STAG1: variants seen among roughly 807,000 people sequenced by gnomAD.
The protein encoded by STAG1 is STAG1 cohesin complex component.
STAG1 carries 26 observed loss-of-function variants against 170.9 expected under a neutral mutation model. The observed-to-expected ratio is 0.15, with a 90% confidence interval of 0.11 to 0.21. The LOEUF (loss-of-function observed/expected upper bound fraction) is 0.21, where lower values mean the gene tolerates loss of function less well. Ranked by LOEUF, STAG1 falls within the 10% of genes least tolerant of loss-of-function variation. The probability of loss-of-function intolerance (pLI) is 1.00; values close to 1 mark genes in which losing one functional copy is unlikely to be tolerated. For synonymous variants in STAG1, 514 were observed against 497.7 expected (o/e 1.03, Z -0.44); for missense variants, 964 against 1,509.5 (o/e 0.64, Z 5.99).
chr3:136,751,051 T>C (rs1320766691), intron 1 of STAG1, among the ~76,000 whole-genome samples: 1 of 152,248 alleles, frequency 6.6e-6, no homozygotes, highest in African/African-American at 2.4e-5. Flanking sequence ...TTCAGATACT[T>C]TCTCAAGTAA....
intron 1 of STAG1, among the ~76,000 whole-genome samples, chr3:136,741,201 C>T (rs1321200453): frequency 6.6e-6 from 1 of 152,216 alleles, no homozygotes. Flanking sequence ...GTGCAGGTTT[C>T]ACCTGGACCT....
intron 1 of STAG1, among the ~76,000 whole-genome samples, chr3:136,659,258 TCTCA>T (rs1941495716): frequency 1.3e-5 from 2 of 152,358 alleles, no homozygotes; most frequent in South Asian, 2.1e-4. Flanking sequence ...ATTTGTCCTG[TCTCA>T]CTGTCATTAT....
intron 7 of STAG1, among the ~76,000 whole-genome samples, chr3:136,509,486 A>T (rs1305035517): frequency 6.6e-6 from 1 of 151,954 alleles, no homozygotes; most frequent in Admixed American, 6.5e-5. Context: ...AGATGGTTGT[A>T]TGGGGTTTTC....
At chr3:136,443,240 C>CA (rs753533968) in intron 15 of STAG1, 47 bp downstream of exon 15, 1 of 1,320,900 alleles carries the variant, frequency 7.6e-7, no homozygotes, top group Non-Finnish European at 1.1e-6. Context: ...GTATTGCTAT[C>CA]AATGGAAATA....
At chr3:136,701,672 T>A (rs1440089860) in intron 1 of STAG1, among the ~76,000 whole-genome samples, 1 of 152,156 alleles carries the variant, frequency 6.6e-6, no homozygotes, top group African/African-American at 2.4e-5. Flanking sequence ...ACAGGAATTC[T>A]CTGAGGATTA....
chr3:136,431,491 C>T (rs984246489), intron 16 of STAG1, among the ~76,000 whole-genome samples: 27 of 151,816 alleles, frequency 1.8e-4, no homozygotes, highest in African/African-American at 6.1e-4. Context: ...AGGCTGGAGT[C>T]GAACTCCTGA....
chr3:136,503,654 T>G (rs1933601327), intron 7 of STAG1, among the ~76,000 whole-genome samples: 1 of 152,218 alleles, frequency 6.6e-6, no homozygotes, highest in Non-Finnish European at 1.5e-5. Flanking sequence ...AACTGTTCAG[T>G]GCTTTAGAAG....
intron 1 of STAG1, among the ~76,000 whole-genome samples, chr3:136,709,612 G>A (rs955030993): frequency 6.6e-6 from 1 of 152,030 alleles, no homozygotes; most frequent in Non-Finnish European, 1.5e-5. Context: ...GCATACACCC[G>A]TTGTCCCGGC....
chr3:136,465,086 C>CCTG, intron 12 of STAG1, 98 bp from the exon 13 acceptor site: 1 of 767,176 alleles, frequency 1.3e-6, no homozygotes, highest in Non-Finnish European at 1.9e-6. Context: ...AAGCTCAAGA[C>CCTG]TTAATAATTG....
At chr3:136,690,324 C>T (rs557635155) in intron 1 of STAG1, among the ~76,000 whole-genome samples, 1 of 152,308 alleles carries the variant, frequency 6.6e-6, no homozygotes, top group African/African-American at 2.4e-5. Flanking sequence ...GCAACCTCCA[C>T]GTCCCGTGCT....
chr3:136,507,498 T>G (rs548607243), intron 7 of STAG1, among the ~76,000 whole-genome samples: 3 of 152,054 alleles, frequency 2.0e-5, no homozygotes, highest in South Asian at 4.2e-4. Flanking sequence ...CCTGAGTAGC[T>G]GGGACTACAG....
Position 136,496,650 on chromosome 3 carries a change from T to C in STAG1, c.902+3573A>G, listed in dbSNP as rs556017702. 3.9e-5 allele frequency among the ~76,000 whole-genome samples: 6 copies of C among 152,150 alleles called. No individual in the cohort carries two copies. In the South Asian group the frequency reaches 1.2e-3, roughly 32 times the overall value. ...AATTTAGGACACATAGCTAAAGCAGTGCTTTAAAAAATTTATAGGAGTAAA... is the reference window on the plus strand; with the variant it reads ...AATTTAGGACACATAGCTAAAGCAGCGCTTTAAAAAATTTATAGGAGTAAA... On this transcript the variant is annotated intron_variant, in intron 9 of 33. Coordinates refer to ENST00000383202, the MANE Select transcript of STAG1 (RefSeq NM_005862.3).
intron 13 of STAG1, among the ~76,000 whole-genome samples, chr3:136,464,376 C>T (rs55674785): frequency 0.087 from 13,240 of 151,362 alleles, 1,892 homozygotes; most frequent in African/African-American, 0.3. Context: ...TGAGTCGAGA[C>T]TGCACCATTG....
At chr3:136,739,508 AAAAAAAAAAAAG>A (rs1321146808) in intron 1 of STAG1, among the ~76,000 whole-genome samples, 8 of 148,738 alleles carry the variant, frequency 5.4e-5, no homozygotes, top group Admixed American at 1.4e-4. Context: ...TCCGTCAAAA[AAAAAAAAAAAAG>A]AAAAAAAAAA....
rs531216707 is a variant in STAG1, at chr3:136,505,587, CTTAT to C, written c.677-2812_677-2809del. On this transcript the variant is annotated intron_variant, in intron 7 of 33. Coordinates refer to ENST00000383202, the MANE Select transcript of STAG1 (RefSeq NM_005862.3). ...GTCATTCATCATAGCTAAAGAAGCA[CTTAT>C]TTAAAGTCCTGTCCATTCATCTAAC... 3.1e-3 allele frequency among the ~76,000 whole-genome samples: 471 copies of C among 152,288 alleles called. 2 individuals carry two copies. Among genetic ancestry groups the C allele is most frequent in the Non-Finnish European group, 5.6e-3 (382 of 68,034 alleles).
rs1937194527 is a variant in STAG1 at position 136,369,112 on chromosome 3, G to A, written c.2541C>T (p.Ser847=). 1 of 1,527,166 alleles carries A rather than the reference G, an allele frequency of 6.5e-7. No homozygotes were observed. The highest frequency in any genetic ancestry group is 1.3e-5 in the South Asian group (1 of 75,500). 94.6% of individuals were successfully genotyped at this position (1,527,166 alleles called of 1,614,324 possible). Reference sequence around the variant, plus strand: ...CAAGATGATAGCTACAAGTACCCATGCTCTGGTTCTCCTCGTCTTGGTCAA... The same window carrying A: ...CAAGATGATAGCTACAAGTACCCATACTCTGGTTCTCCTCGTCTTGGTCAA... ...VFIDQDEENQ[S]MEGDEEDEAN... The change falls in exon 24 of 34, where the codon AGC becomes AGT. Residue 847 remains serine (S), a synonymous_variant. Coordinates refer to ENST00000383202, the MANE Select transcript of STAG1 (RefSeq NM_005862.3).
chr3:136,591,184 A>C (rs181375034), intron 4 of STAG1, among the ~76,000 whole-genome samples: 1 of 150,220 alleles, frequency 6.7e-6, no homozygotes, highest in Admixed American at 6.6e-5. Context: ...CCTGCAGAAT[A>C]AACACTGGCA....
chr3:136,654,560 A>G (rs192435112), intron 1 of STAG1, among the ~76,000 whole-genome samples: 58 of 152,334 alleles, frequency 3.8e-4, no homozygotes, highest in Admixed American at 2.0e-3. Flanking sequence ...TACTACCAAA[A>G]GCAGTCTGCA....
At position 136,381,041 on chromosome 3, in the gene STAG1, A is replaced by G. The variant is rs568555369; in HGVS notation, c.2278-3289T>C. On this transcript the variant is annotated intron_variant, in intron 22 of 33. Transcript: ENST00000383202. ...CCTGTCTCGAAAAAAAAAAAAGAAA[A>G]AAAAAAAAAAAGAAACATAGGAACA... is the stretch of plus-strand genomic sequence containing the variant. Among the ~76,000 whole-genome samples the G allele has an allele frequency of 9.9e-3, 1,509 of 151,790 alleles. 10 individuals are homozygous for G. The highest frequency in any genetic ancestry group is 0.037 in the Middle Eastern group (11 of 294).
Sources: allele counts gnomAD v4.1 joint callset (sites outside exome capture counted in the v4.1 genomes callset), GRCh38; gene constraint gnomAD v4.1.1; transcripts MANE v1.5; gene names NCBI Gene and HGNC (gene_info 2026-07-23, HGNC 2026-07-21).